PADI1: variants seen among roughly 807,000 people sequenced by gnomAD.
PADI1 encodes peptidyl arginine deiminase 1.
In PADI1, 65 loss-of-function variants were observed where a neutral mutation model predicts 74.8. The observed-to-expected ratio is 0.87, with a 90% CI of 0.71 to 1.07. The LOEUF (loss-of-function observed/expected upper bound fraction) is 1.07, where lower values mean the gene tolerates loss of function less well. Ranked by LOEUF, PADI1 falls within the 50% of genes least tolerant of loss-of-function variation. PADI1 has a pLI of 0.00. For missense variants in PADI1, 943 were observed against 854.0 expected (o/e 1.10, Z -1.30); for synonymous variants, 371 against 336.2 (o/e 1.10, Z -1.13).
chr1:17,222,860 C>T (rs1266889589), intron 2 of PADI1, among the ~76,000 whole-genome samples: 1 of 152,330 alleles, frequency 6.6e-6, no homozygotes, highest in East Asian at 1.9e-4. Context: ...ACGTCCACAT[C>T]TTTGTGTGCA....
intron 1 of PADI1, among the ~76,000 whole-genome samples, chr1:17,214,430 T>C (rs2071919510): frequency 1.3e-5 from 2 of 152,090 alleles, no homozygotes; most frequent in Non-Finnish European, 2.9e-5. Context: ...CATGATGATA[T>C]AACAGTGATT....
intron 14 of PADI1, chr1:17,240,032 AT>A (rs777477911): frequency 2.1e-5 from 10 of 481,356 alleles, no homozygotes; most frequent in Admixed American, 3.2e-5. Context: ...GCAATGACCT[AT>A]TTTCACAGAA....
intron 8 of PADI1, among the ~76,000 whole-genome samples, chr1:17,229,880 G>A (rs931176543): frequency 5.9e-5 from 9 of 152,290 alleles, no homozygotes; most frequent in African/African-American, 1.4e-4. Context: ...CACTGCCCGC[G>A]CTTATGCCTC....
At chr1:17,215,068 A>G (rs2071938949) in intron 1 of PADI1, among the ~76,000 whole-genome samples, 1 of 152,132 alleles carries the variant, frequency 6.6e-6, no homozygotes, top group African/African-American at 2.4e-5. Flanking sequence ...TGGGAACTAG[A>G]ATAGGCCCCT....
intron 1 of PADI1, among the ~76,000 whole-genome samples, chr1:17,206,683 CTT>C (rs796276122): frequency 1.8e-5 from 2 of 109,758 alleles, no homozygotes; most frequent in East Asian, 2.5e-4. Context: ...TTTTCTTTTT[CTT>C]TTTTTTTTTT....
chr1:17,219,295 A>T (rs2072069225), intron 1 of PADI1, among the ~76,000 whole-genome samples: 1 of 151,962 alleles, frequency 6.6e-6, no homozygotes, highest in South Asian at 2.1e-4. Context: ...AACATGAGGG[A>T]TGAGGGACAG....
At chr1:17,220,662 G>T (rs550679971) in intron 1 of PADI1, among the ~76,000 whole-genome samples, 1 of 152,164 alleles carries the variant, frequency 6.6e-6, no homozygotes, top group African/African-American at 2.4e-5. Context: ...TGCCGTGGGG[G>T]ATGATGTTGG....
intron 1 of PADI1, among the ~76,000 whole-genome samples, chr1:17,206,688 T>TC (rs201357995): frequency 0.036 from 4,644 of 128,368 alleles, 170 homozygotes; most frequent in African/African-American, 0.13. Context: ...TTTTTCTTTT[T>TC]TTTTTTTTTT....
chr1:17,226,177 C>A lies in PADI1; in HGVS notation c.652+19C>A. 1.2e-6 allele frequency: 2 copies of A among 1,613,402 alleles called. No homozygotes were observed. The highest frequency in any genetic ancestry group is 1.7e-6 in the Non-Finnish European group (2 of 1,179,496). ...GCCAGGGGTGAGTGGCCTGATGGGG[C>A]CTTTTCCTCCCAGCTCCATCCATAT... is the stretch of plus-strand genomic sequence containing the variant. On this transcript the variant is annotated intron_variant, in intron 6 of 15. Transcript: ENST00000375471.
In PADI1 at chr1:17,225,920, C is replaced by T. The variant is rs761128662; in HGVS notation, c.518C>T (p.Ser173Leu). 10 of 1,613,726 alleles carry T rather than the reference C, an allele frequency of 6.2e-6. No homozygotes were observed. The East Asian group carries it at 6.7e-5, about 11-fold the overall frequency. ...EPDLTHSWLM[S>L]LADLQDMSPM... ...GACCTCACCCACAGCTGGCTGATGT[C>T]GCTGGCTGGTGAGTGACACAAGGTG... Residue 173 changes from serine to leucine, a missense_variant, in exon 5 of 16, where the codon TCG becomes TTG. By Grantham distance (145) the Ser-to-Leu change is moderately radical. Transcript: ENST00000375471.
intron 11 of PADI1, 45 bp from the exon 12 acceptor site, chr1:17,237,269 C>A (rs766696251): frequency 1.9e-6 from 3 of 1,552,402 alleles, no homozygotes; most frequent in Admixed American, 1.9e-5. Context: ...AGGCCTGATG[C>A]CTCTCAGGCA....
chr1:17,231,347 A>AG (rs35930248), intron 10 of PADI1, among the ~76,000 whole-genome samples: 10 of 152,152 alleles, frequency 6.6e-5, no homozygotes, highest in Non-Finnish European at 1.3e-4. Flanking sequence ...ATGCAAAACT[A>AG]GGGGGGCTGT....
At chr1:17,215,378 T>TTCATCATCA (rs559907183) in intron 1 of PADI1, among the ~76,000 whole-genome samples, 19,313 of 148,268 alleles carry the variant, frequency 0.13, 1,476 homozygotes, top group Admixed American at 0.26. Flanking sequence ...TCCCCCTTCT[T>TTCATCATCA]TCATCATCAT....
At chr1:17,207,154 G>C (rs1408090753) in intron 1 of PADI1, among the ~76,000 whole-genome samples, 1 of 152,194 alleles carries the variant, frequency 6.6e-6, no homozygotes, top group African/African-American at 2.4e-5. Context: ...GCTCTACACT[G>C]TGCTGCTAAG....
chr1:17,243,921 A>C (rs1167827731), intron 15 of PADI1, 89 bp from the exon 16 acceptor site: 8 of 898,850 alleles, frequency 8.9e-6, no homozygotes, highest in Admixed American at 2.3e-5. Context: ...CCCATTCCCC[A>C]GGGCCTGTCT....
intron 10 of PADI1, among the ~76,000 whole-genome samples, chr1:17,231,751 CT>C (rs2072495132): frequency 6.8e-6 from 1 of 147,638 alleles, no homozygotes; most frequent in Non-Finnish European, 1.5e-5. Context: ...ATGTTTCAGC[CT>C]TTTCTTTTTA....
intron 1 of PADI1, among the ~76,000 whole-genome samples, chr1:17,218,413 G>C (rs1026121055): frequency 9.9e-5 from 15 of 152,120 alleles, no homozygotes; most frequent in African/African-American, 3.6e-4. Context: ...CTGGAGTTAG[G>C]GGGTAAGGGG....
At chr1:17,221,488 A>C (rs2072148262) in intron 1 of PADI1, among the ~76,000 whole-genome samples, 1 of 149,066 alleles carries the variant, frequency 6.7e-6, no homozygotes, top group Non-Finnish European at 1.5e-5. Flanking sequence ...AAAAAAAAAG[A>C]ATCAGAGCAG....
chr1:17,207,354 T>C (rs764290177), intron 1 of PADI1, among the ~76,000 whole-genome samples: 1 of 152,180 alleles, frequency 6.6e-6, no homozygotes, highest in Non-Finnish European at 1.5e-5. Flanking sequence ...TTGAACACAC[T>C]CCATTCTCAG....
Sources: allele counts gnomAD v4.1 joint callset (sites outside exome capture counted in the v4.1 genomes callset), GRCh38; gene constraint gnomAD v4.1.1; transcripts MANE v1.5; gene names NCBI Gene and HGNC (gene_info 2026-07-23, HGNC 2026-07-21).